SNRPN: variants seen among roughly 807,000 people sequenced by gnomAD.
SNRPN encodes small nuclear ribonucleoprotein polypeptide N, also known as small nuclear ribonucleoprotein-associated protein N.
A neutral mutation model predicts 25.2 loss-of-function variants in SNRPN; 7 were observed. The observed-to-expected ratio is 0.28, with a 90% confidence interval of 0.16 to 0.52. SNRPN has a LOEUF of 0.52. Among genes scored for constraint, SNRPN ranks in the 20% least tolerant of loss-of-function variants. The pLI is 0.96. For missense variants in SNRPN, 196 were observed against 322.5 expected, an observed-to-expected ratio of 0.61 and a Z score of 3.00; for synonymous variants, 124 against 110.6, an observed-to-expected ratio of 1.12 and a Z score of -0.76.
intron 2 of SNRPN, among the ~76,000 whole-genome samples, chr15:24,839,860 T>G (rs745377583): frequency 6.6e-6 from 1 of 151,402 alleles, no homozygotes; most frequent in Non-Finnish European, 1.5e-5. Context: ...GCTGGTCACA[T>G]GTGGTCCTAG....
chr15:24,930,169 A>T (rs575516031), intron 3 of SNRPN, among the ~76,000 whole-genome samples: 106 of 145,186 alleles, frequency 7.3e-4, no homozygotes, highest in African/African-American at 2.3e-3. Flanking sequence ...AAAATAATAA[A>T]TTTTTTTCTA....
In SNRPN at chr15:24,872,518, G is replaced by A. The variant is rs1192240391; in HGVS notation, c.-578-13998G>A. Reference sequence around the variant, plus strand: ...CCCAGCACTGTGGGAGGCCAAGGCGGGCGGATCACCTGAGGTTGGGAGTTC... The same window carrying A: ...CCCAGCACTGTGGGAGGCCAAGGCGAGCGGATCACCTGAGGTTGGGAGTTC... On this transcript the variant is annotated intron_variant, in intron 1 of 11. Coordinates refer to the SNRPN transcript ENST00000400097. 4.2e-5 allele frequency among the ~76,000 whole-genome samples: 5 copies of A among 119,046 alleles called. 2 individuals carry two copies. Among genetic ancestry groups the A allele is most frequent in the Non-Finnish European group, 9.1e-5 (5 of 54,810 alleles). The allele number at this position is 119,046 out of a possible 152,430, so 78.1% of individuals were successfully genotyped here.
At chr15:24,969,454 C>G (rs1007485290) in intron 3 of SNRPN, among the ~76,000 whole-genome samples, 1 of 152,062 alleles carries the variant, frequency 6.6e-6, no homozygotes, top group African/African-American at 2.4e-5. Flanking sequence ...TCAAAGGAGA[C>G]AGAAATTTTC....
At chr15:24,843,772 G>T (rs1357139315) in intron 2 of SNRPN, among the ~76,000 whole-genome samples, 1 of 126,458 alleles carries the variant, frequency 7.9e-6, no homozygotes, top group Non-Finnish European at 1.7e-5. Context: ...GGATGACAGA[G>T]TGAGACTCCA....
At chr15:24,895,818 A>G (rs533220171) in intron 2 of SNRPN, among the ~76,000 whole-genome samples, 1 of 152,304 alleles carries the variant, frequency 6.6e-6, no homozygotes, top group African/African-American at 2.4e-5. Flanking sequence ...TTGCTCCAGG[A>G]GAGCCTTAAG....
At chr15:24,855,303 T>C (rs2053285046), upstream of SNRPN, among the ~76,000 whole-genome samples, 3 of 152,202 alleles carry the variant, frequency 2.0e-5, no homozygotes, top group Admixed American at 1.3e-4. Flanking sequence ...GTTCATTTCA[T>C]CCTCACAGCA....
rs1270115106 is a variant in SNRPN, at chr15:24,863,096, G to GAAC, written c.-579+6380_-579+6381insAAC. On this transcript the variant is annotated intron_variant, in intron 1 of 11. Coordinates refer to the SNRPN transcript ENST00000400097. The stretch of plus-strand genomic sequence containing the variant: ...AGATCTACTGACAAGGAAGACAGTT[G>GAAC]GAACAAGTAAGAATAGTCCTTGTTT... Among the ~76,000 whole-genome samples the GAAC allele has an allele frequency of 9.9e-5, 15 of 150,770 alleles. 3 individuals are homozygous for GAAC. The highest frequency in any genetic ancestry group is 3.7e-4 in the African/African-American group (15 of 40,240).
At chr15:24,856,960 T>C (rs376567813) in intron 1 of SNRPN, among the ~76,000 whole-genome samples, 16 of 152,312 alleles carry the variant, frequency 1.1e-4, no homozygotes, top group East Asian at 7.7e-4. Context: ...AATGGAAATA[T>C]TACTTTTATT....
At chr15:24,955,143 G>C in intron 1 of SNRPN, 81 bp downstream of exon 1, 1 of 1,578,888 alleles carries the variant, frequency 6.3e-7, no homozygotes. Flanking sequence ...AAGTTTTTAG[G>C]ACTTGGAGTA....
At chr15:24,936,551 G>C (rs2061247887) in intron 3 of SNRPN, among the ~76,000 whole-genome samples, 1 of 152,154 alleles carries the variant, frequency 6.6e-6, no homozygotes, top group Non-Finnish European at 1.5e-5. Flanking sequence ...AAAGAAAAGA[G>C]GTTTAATTGG....
At chr15:24,843,603 T>C (rs2051892111) in intron 2 of SNRPN, among the ~76,000 whole-genome samples, 1 of 151,950 alleles carries the variant, frequency 6.6e-6, no homozygotes, top group Non-Finnish European at 1.5e-5. Context: ...GCCAACATGG[T>C]GAAACCCCGT....
intron 3 of SNRPN, among the ~76,000 whole-genome samples, chr15:24,943,929 C>T (rs1475630481): frequency 6.6e-6 from 1 of 152,190 alleles, no homozygotes. Context: ...TCAAGCAATT[C>T]TCATGCCTCA....
intron 1 of SNRPN, chr15:24,958,726 T>G (rs1188283636): frequency 6.5e-6 from 1 of 153,374 alleles, no homozygotes; most frequent in Non-Finnish European, 1.5e-5. Flanking sequence ...AACCTTATTT[T>G]TTTGTTTTTA....
chr15:24,828,739 A>G (rs940747996), intron 1 of SNRPN, among the ~76,000 whole-genome samples: 3 of 152,104 alleles, frequency 2.0e-5, no homozygotes, highest in Non-Finnish European at 4.4e-5. Flanking sequence ...AAAGTAAATA[A>G]CTAAATAAGT....
intron 1 of SNRPN, among the ~76,000 whole-genome samples, chr15:24,858,232 G>A (rs912007971): frequency 6.6e-6 from 1 of 152,060 alleles, no homozygotes; most frequent in Non-Finnish European, 1.5e-5. Flanking sequence ...GGTTGTTTTG[G>A]GAAAGGGCTG....
At chr15:24,834,759 A>C (rs575375055) in intron 2 of SNRPN, among the ~76,000 whole-genome samples, 8,258 of 37,634 alleles carry the variant, frequency 0.22, 700 homozygotes, top group African/African-American at 0.35. Flanking sequence ...CTCTATATAT[A>C]TATATATATA....
intron 2 of SNRPN, among the ~76,000 whole-genome samples, chr15:24,899,184 T>A (rs1449117352): frequency 6.6e-6 from 1 of 152,212 alleles, no homozygotes; most frequent in Non-Finnish European, 1.5e-5. Context: ...CACTCAGCTT[T>A]TCTCCCAACA....
intron 2 of SNRPN, among the ~76,000 whole-genome samples, chr15:24,894,531 A>G (rs2057943589): frequency 6.6e-6 from 1 of 152,136 alleles, no homozygotes; most frequent in South Asian, 2.1e-4. Flanking sequence ...AACAAAGCCA[A>G]ATTCTTGACA....
At chr15:24,878,962 C>G (rs556185478) in intron 1 of SNRPN, among the ~76,000 whole-genome samples, 1 of 151,930 alleles carries the variant, frequency 6.6e-6, no homozygotes, top group Non-Finnish European at 1.5e-5. Flanking sequence ...GTTTTAGTAT[C>G]TCCTTATAGA....
Sources: gnomAD v4.1 joint callset for allele counts (sites outside exome capture counted in the v4.1 genomes callset) on GRCh38, gnomAD v4.1.1 for gene constraint, MANE v1.5 for transcripts, NCBI Gene and HGNC (gene_info 2026-07-23, HGNC 2026-07-21) for gene names.